GNA12: variants seen among roughly 807,000 people sequenced by gnomAD.
GNA12 encodes the protein G protein subunit alpha 12.
Under a neutral mutation model 26.0 loss-of-function variants are expected in GNA12, and 9 were observed. The observed-to-expected ratio is 0.35, with a 90% CI of 0.21 to 0.60. The LOEUF (loss-of-function observed/expected upper bound fraction) is 0.60, where lower values mean the gene tolerates loss of function less well. Ranked by LOEUF, GNA12 falls within the 20% of genes least tolerant of loss-of-function variation. GNA12 has a pLI of 0.78. For synonymous variants in GNA12, 264 were observed against 219.6 expected, an observed-to-expected ratio of 1.20 and a Z score of -1.79; for missense variants, 405 against 525.8, an observed-to-expected ratio of 0.77 and a Z score of 2.25.
chr7:2,767,371 ATTATGT>A (rs1436318551), intron 2 of GNA12, among the ~76,000 whole-genome samples: 5 of 152,128 alleles, frequency 3.3e-5, no homozygotes, highest in Non-Finnish European at 7.4e-5. Context: ...AGTTTTCGTG[ATTATGT>A]TTAAGTCTTT....
intron 2 of GNA12, among the ~76,000 whole-genome samples, chr7:2,745,561 T>A (rs980222584): frequency 2.6e-5 from 4 of 152,212 alleles, no homozygotes; most frequent in Admixed American, 2.0e-4. Flanking sequence ...GCCACTGCAA[T>A]AACATACCAA....
chr7:2,806,098 A>G (rs1328729581), intron 1 of GNA12, among the ~76,000 whole-genome samples: 3 of 152,260 alleles, frequency 2.0e-5, no homozygotes, highest in African/African-American at 7.2e-5. Context: ...TGGCTACTAG[A>G]AAATCTGAAG....
intron 1 of GNA12, among the ~76,000 whole-genome samples, chr7:2,831,560 C>T (rs920200306): frequency 4.6e-5 from 7 of 151,978 alleles, no homozygotes; most frequent in African/African-American, 1.5e-4. Context: ...CCTGCCACCA[C>T]GCCCGGTTAT....
At chr7:2,737,173 G>C (rs1325596453) in intron 2 of GNA12, among the ~76,000 whole-genome samples, 3 of 151,410 alleles carry the variant, frequency 2.0e-5, no homozygotes, top group Non-Finnish European at 2.9e-5. Flanking sequence ...CCAGAGAGTG[G>C]TTACAAAGAA....
intron 2 of GNA12, among the ~76,000 whole-genome samples, chr7:2,765,333 A>G (rs985132009): frequency 2.6e-5 from 4 of 152,114 alleles, no homozygotes; most frequent in Admixed American, 6.5e-5. Context: ...TATTTTTAGT[A>G]GAGATGGGGT....
intron 2 of GNA12, among the ~76,000 whole-genome samples, chr7:2,739,909 G>C (rs540354908): frequency 1.2e-4 from 19 of 152,302 alleles, no homozygotes; most frequent in African/African-American, 4.3e-4. Context: ...CTGACCTCCA[G>C]TGATCCGCCC....
chr7:2,783,298 C>G (rs1792275372), intron 2 of GNA12, among the ~76,000 whole-genome samples: 1 of 152,162 alleles, frequency 6.6e-6, no homozygotes, highest in Non-Finnish European at 1.5e-5. Context: ...TAAACTGGAT[C>G]CATCGCACAG....
chr7:2,844,240 G>T lies in GNA12; in HGVS notation c.-79C>A. On this transcript the variant is annotated 5_prime_UTR_variant, in exon 1 of 4. Coordinates refer to ENST00000275364, the MANE Select transcript of GNA12 (RefSeq NM_007353.3). ...CCGCCGGCGAGGGCGAGCCCGGGCC[G>T]AGGCACCGCCCCACGCCCCGCCGCT... is the stretch of plus-strand genomic sequence containing the variant. The T allele has an allele frequency of 1.4e-6, 1 of 695,374 alleles. No homozygotes were observed. Among genetic ancestry groups the T allele is most frequent in the Non-Finnish European group, 1.8e-6 (1 of 567,222 alleles). 43.1% of individuals were successfully genotyped at this position (695,374 alleles called of 1,614,324 possible).
rs1029201876 is a variant in GNA12, at chr7:2,731,033, G to A, written c.*148C>T. ...TCCTTTTGCCTAGAGCTCGCTGGCT[G>A]GCTGGTCTGACAGCATTCCTGAGCC... On this transcript the variant is annotated 3_prime_UTR_variant, in exon 4 of 4. Transcript: ENST00000275364. The surrounding 1 kb of genome is among the most constrained non-coding windows in gnomAD (Gnocchi z 6.0). 8.8e-5 allele frequency: 51 copies of A among 579,446 alleles called. No homozygotes were observed. Among genetic ancestry groups the A allele is most frequent in the Non-Finnish European group, 8.3e-5 (27 of 326,768 alleles). The allele number at this position is 579,446 out of a possible 1,614,324, so 35.9% of individuals were successfully genotyped here.
chr7:2,728,401 A>G lies in GNA12; in HGVS notation c.*2780T>C, dbSNP rs1789718946. On this transcript the variant is annotated 3_prime_UTR_variant, in exon 4 of 4. Transcript: ENST00000275364. ...ATTTTTCTTTTATCAAAGAAGTAGG[A>G]AAATTACAATAAGAATTCTAGAGAT... is the stretch of plus-strand genomic sequence containing the variant. 1 of 152,268 alleles carries G rather than the reference A, an allele frequency of 6.6e-6. No homozygotes were observed. Among genetic ancestry groups the G allele is most frequent in the Non-Finnish European group, 1.5e-5 (1 of 68,030 alleles). The allele number at this position is 152,268 out of a possible 1,614,324, so 9.4% of individuals were successfully genotyped here.
intron 1 of GNA12, among the ~76,000 whole-genome samples, chr7:2,799,116 C>T (rs896967328): frequency 2.6e-5 from 4 of 152,100 alleles, no homozygotes; most frequent in South Asian, 2.1e-4. Flanking sequence ...ATGATTCACA[C>T]GAGAAAAATT....
At chr7:2,781,674 G>T (rs1172552989) in intron 2 of GNA12, among the ~76,000 whole-genome samples, 1 of 152,018 alleles carries the variant, frequency 6.6e-6, no homozygotes, top group African/African-American at 2.4e-5. Flanking sequence ...TTTTTCTCAA[G>T]CCTTGAAAAA....
At chr7:2,804,839 T>C (rs546641892) in intron 1 of GNA12, among the ~76,000 whole-genome samples, 1 of 152,078 alleles carries the variant, frequency 6.6e-6, no homozygotes, top group South Asian at 2.1e-4. Context: ...CGGGAGGATC[T>C]GTTGAGCCCA....
At chr7:2,802,747 C>G (rs1037938745) in intron 1 of GNA12, among the ~76,000 whole-genome samples, 13 of 152,206 alleles carry the variant, frequency 8.5e-5, no homozygotes, top group African/African-American at 3.1e-4. Context: ...AAAAGAAACG[C>G]TGCCAGAAGT....
At chr7:2,787,416 C>G (rs1017389981) in intron 2 of GNA12, among the ~76,000 whole-genome samples, 1 of 152,190 alleles carries the variant, frequency 6.6e-6, no homozygotes, top group South Asian at 2.1e-4. Flanking sequence ...CACGAGCTGT[C>G]GCCTGTCACC....
chr7:2,830,702 C>T (rs772030811), intron 1 of GNA12, among the ~76,000 whole-genome samples: 1 of 152,244 alleles, frequency 6.6e-6, no homozygotes, highest in Non-Finnish European at 1.5e-5. Context: ...GAATCCCACC[C>T]ATCAGAGTAA....
intron 2 of GNA12, among the ~76,000 whole-genome samples, chr7:2,786,301 A>G (rs185464515): frequency 7.9e-5 from 12 of 152,336 alleles, no homozygotes; most frequent in Admixed American, 2.0e-4. Flanking sequence ...TGAATCTGTA[A>G]TTAGTTCAAA....
intron 2 of GNA12, chr7:2,760,352 G>C (rs938735550): frequency 2.0e-5 from 3 of 152,392 alleles, no homozygotes; most frequent in African/African-American, 7.2e-5. Flanking sequence ...CAGTACACCA[G>C]GGGGACACCA....
At chr7:2,828,602 A>C (rs1793535186) in intron 1 of GNA12, among the ~76,000 whole-genome samples, 1 of 152,254 alleles carries the variant, frequency 6.6e-6, no homozygotes, top group Non-Finnish European at 1.5e-5. Flanking sequence ...GCTGCCCCCA[A>C]GTCCTCTAGC....
Sources: allele counts gnomAD v4.1 joint callset (sites outside exome capture counted in the v4.1 genomes callset), GRCh38; gene constraint gnomAD v4.1.1; non-coding constraint Gnocchi (gnomAD v3.1); transcripts MANE v1.5; gene names NCBI Gene and HGNC (gene_info 2026-07-23, HGNC 2026-07-21).